Variants in CYFIP2 observed in about 807,000 individuals in gnomAD.
The protein encoded by CYFIP2 is cytoplasmic FMR1-interacting protein 2.
Under a neutral mutation model 158.7 loss-of-function variants are expected in CYFIP2, and 29 were observed. The ratio of observed to expected loss-of-function variants is 0.18; its 90% CI spans 0.14 to 0.25. The LOEUF (loss-of-function observed/expected upper bound fraction) is 0.25, where lower values mean the gene tolerates loss of function less well. CYFIP2 is among the 10% of genes least tolerant of loss of function. CYFIP2 has a pLI of 1.00. For synonymous variants in CYFIP2, 585 were observed against 617.6 expected, an observed-to-expected ratio of 0.95 and a Z score of 0.78; for missense variants, 852 against 1,639.5, an observed-to-expected ratio of 0.52 and a Z score of 8.29.
chr5:157,339,160 A>G lies in CYFIP2; in HGVS notation c.2489A>G (p.Asn830Ser), dbSNP rs1278354936. The G allele has an allele frequency of 6.2e-7, 1 of 1,614,012 alleles. No homozygotes were observed. The highest frequency in any genetic ancestry group is 1.7e-5 in the Admixed American group (1 of 60,020). The change falls in exon 22 of 31, where the codon AAT (asparagine) becomes AGT (serine). Residue 830 changes from asparagine to serine, a missense_variant. Coordinates refer to ENST00000620254, the MANE Select transcript of CYFIP2 (RefSeq NM_001037333.3). Reference sequence around the variant, plus strand: ...GCCATGTTCCGAGAGGCCAATCACAATGTGTCCGCCCCCTATGGCCGTATC... The same window carrying G: ...GCCATGTTCCGAGAGGCCAATCACAGTGTGTCCGCCCCCTATGGCCGTATC... ...FDAMFREANHNVSAPYGRITL... is the reference protein window; with the variant it reads ...FDAMFREANHSVSAPYGRITL...
intron 28 of CYFIP2, among the ~76,000 whole-genome samples, chr5:157,388,701 A>C (rs540668427): frequency 1.1e-4 from 17 of 152,352 alleles, no homozygotes; most frequent in Non-Finnish European, 2.2e-4. Context: ...TGTGAGCTTT[A>C]ACACTCACTG....
intron 26 of CYFIP2, among the ~76,000 whole-genome samples, chr5:157,372,837 C>T (rs1410618170): frequency 6.6e-6 from 1 of 152,152 alleles, no homozygotes; most frequent in Non-Finnish European, 1.5e-5. Flanking sequence ...GGCAGCCACC[C>T]TCCTCCCATT....
intron 5 of CYFIP2, among the ~76,000 whole-genome samples, chr5:157,298,057 C>T (rs769350368): frequency 3.3e-5 from 5 of 152,322 alleles, no homozygotes; most frequent in Non-Finnish European, 5.9e-5. Context: ...CTCTCAGGCC[C>T]GTGGAAGCAG....
intron 27 of CYFIP2, 69 bp from the exon 28 acceptor site, chr5:157,383,196 G>A: frequency 7.3e-7 from 1 of 1,364,710 alleles, no homozygotes; most frequent in South Asian, 1.2e-5. Context: ...GGTCCTTTGG[G>A]AGTTTTTCCT....
chr5:157,345,779 A>G (rs373093918), intron 23 of CYFIP2: 1 of 152,548 alleles, frequency 6.6e-6, no homozygotes, highest in East Asian at 1.9e-4. Context: ...CAGCCTGGAA[A>G]GGCTTTTGCC....
intron 3 of CYFIP2, 82 bp from the exon 4 acceptor site, chr5:157,294,701 T>C: frequency 4.4e-6 from 5 of 1,147,696 alleles, no homozygotes; most frequent in Non-Finnish European, 6.5e-6. Context: ...GACCATACCA[T>C]AACTAGTGAG....
At chr5:157,270,454 G>T (rs1755997626) in intron 1 of CYFIP2, among the ~76,000 whole-genome samples, 1 of 152,208 alleles carries the variant, frequency 6.6e-6, no homozygotes, top group South Asian at 2.1e-4. Flanking sequence ...TGAAGGCCTG[G>T]CTGAGATCAA....
chr5:157,389,654 G>A, intron 29 of CYFIP2: 1 of 480,568 alleles, frequency 2.1e-6, no homozygotes, highest in Admixed American at 3.7e-5. Flanking sequence ...CTGTACTACT[G>A]GAAAATGAGG....
chr5:157,370,660 A>G (rs1275060957), intron 26 of CYFIP2, among the ~76,000 whole-genome samples: 1 of 152,250 alleles, frequency 6.6e-6, no homozygotes, highest in East Asian at 1.9e-4. Context: ...GTGGCTCACT[A>G]TGATTAAATC....
intron 21 of CYFIP2, among the ~76,000 whole-genome samples, chr5:157,336,102 T>C (rs890120573): frequency 6.6e-6 from 1 of 152,136 alleles, no homozygotes; most frequent in Non-Finnish European, 1.5e-5. Flanking sequence ...GCTGAGAAGC[T>C]TCTACCTCCT....
intron 23 of CYFIP2, among the ~76,000 whole-genome samples, chr5:157,346,580 C>A (rs1312155231): frequency 1.3e-5 from 2 of 152,180 alleles, no homozygotes; most frequent in Non-Finnish European, 2.9e-5. Flanking sequence ...ACATTCTCCC[C>A]TAGAGCCTTG....
intron 26 of CYFIP2, among the ~76,000 whole-genome samples, chr5:157,377,944 A>C (rs1224916702): frequency 6.6e-6 from 1 of 152,256 alleles, no homozygotes; most frequent in Non-Finnish European, 1.5e-5. Flanking sequence ...AAGACAGCCC[A>C]ATGTGCAGAT....
intron 24 of CYFIP2, among the ~76,000 whole-genome samples, chr5:157,359,400 A>G (rs975629817): frequency 6.6e-6 from 1 of 152,118 alleles, no homozygotes; most frequent in African/African-American, 2.4e-5. Context: ...CTTGTATTTG[A>G]TGACTGAACT....
Position 157,335,577 on chromosome 5 carries a change from G to A in CYFIP2, c.2385+2131G>A, listed in dbSNP as rs560335991. ...CATAGTTAGCACTTAATAAATAATA[G>A]CTTATGGAAAAAAGATGAGAGAAAA... On this transcript the variant is annotated intron_variant, in intron 21 of 30. Transcript: ENST00000620254. 1.3e-3 allele frequency among the ~76,000 whole-genome samples: 201 copies of A among 152,250 alleles called. 1 individual carries two copies. Among genetic ancestry groups the A allele is most frequent in the African/African-American group, 4.6e-3 (190 of 41,552 alleles).
chr5:157,359,612 C>T (rs1249928714), intron 24 of CYFIP2, among the ~76,000 whole-genome samples: 2 of 152,218 alleles, frequency 1.3e-5, no homozygotes, highest in African/African-American at 4.8e-5. Flanking sequence ...CCCCATACTG[C>T]ACTGGCTTCA....
chr5:157,339,060 C>A lies in CYFIP2; in HGVS notation c.2389C>A (p.Leu797Met), dbSNP rs772497690. The change falls in exon 22 of 31, where the codon CTG (leucine) becomes ATG (methionine). Residue 797 changes from leucine (L) to methionine (M), a missense_variant. Leu to Met is a conservative substitution (Grantham distance 15). This residue lies in a region of CYFIP2 where 191 missense variants were observed against 311.2 expected (regional missense o/e 0.61). Transcript: ENST00000620254. ...ESEDLTSIVE[L>M]EWLLEINRLT... ...TGTGGGCTCTCTCTCTGTACAGGAG[C>A]TGGAGTGGCTGCTGGAGATTAACCG... The A allele has an allele frequency of 6.2e-7, 1 of 1,609,230 alleles. No homozygotes were observed. Among genetic ancestry groups the A allele is most frequent in the Non-Finnish European group, 8.5e-7 (1 of 1,177,822 alleles).
At chr5:157,286,924 G>A in intron 2 of CYFIP2, 95 bp from the exon 3 acceptor site, 1 of 850,054 alleles carries the variant, frequency 1.2e-6, no homozygotes, top group East Asian at 2.8e-5. Context: ...CAGAGAGCTT[G>A]CGTTGTTTGT....
intron 1 of CYFIP2, among the ~76,000 whole-genome samples, chr5:157,284,794 T>C (rs927317529): frequency 6.6e-6 from 1 of 152,126 alleles, no homozygotes; most frequent in Non-Finnish European, 1.5e-5. Context: ...GCAAAGAAGG[T>C]TGATTTGCAG....
chr5:157,392,238 A>C (rs1265303579), intron 30 of CYFIP2, among the ~76,000 whole-genome samples: 2 of 152,018 alleles, frequency 1.3e-5, no homozygotes, highest in Non-Finnish European at 2.9e-5. Context: ...GAAAGTTTTC[A>C]ATTTTGATGT....
Sources: allele counts gnomAD v4.1 joint callset (sites outside exome capture counted in the v4.1 genomes callset), GRCh38; gene constraint gnomAD v4.1.1; regional missense constraint gnomAD v4.1.1; transcripts MANE v1.5; gene names NCBI Gene and HGNC (gene_info 2026-07-23, HGNC 2026-07-21).